Variants in NBAS observed in about 807,000 individuals in gnomAD.
NBAS encodes the protein NBAS subunit of NRZ tethering complex.
In NBAS, 219 loss-of-function variants were observed where a neutral mutation model predicts 302.5. The observed-to-expected ratio is 0.72, with a 90% CI of 0.65 to 0.81. NBAS has a LOEUF of 0.81. Ranked by LOEUF, NBAS falls within the 30% of genes least tolerant of loss-of-function variation. The probability of loss-of-function intolerance (pLI) is 0.00; values close to 1 mark genes in which losing one functional copy is unlikely to be tolerated. For missense variants in NBAS, 2,932 were observed against 2,841.6 expected, an observed-to-expected ratio of 1.03 and a Z score of -0.72; for synonymous variants, 1,118 against 1,021.6, an observed-to-expected ratio of 1.09 and a Z score of -1.80.
At chr2:15,436,727 T>C (rs75823609) in intron 21 of NBAS, among the ~76,000 whole-genome samples, 1,936 of 152,304 alleles carry the variant, frequency 0.013, 31 homozygotes, top group East Asian at 0.059. Flanking sequence ...CTTTCTTCCA[T>C]GTTATTAAAC....
At chr2:15,501,613 G>A (rs1006019996) in intron 11 of NBAS, among the ~76,000 whole-genome samples, 43 of 122,386 alleles carry the variant, frequency 3.5e-4, no homozygotes, top group African/African-American at 9.7e-4. Flanking sequence ...TTTTTGAGAC[G>A]GAGTCTCGCT....
At chr2:14,916,348 A>G in the NBAS span, among the ~76,000 whole-genome samples, 4 of 152,226 alleles carry the variant, frequency 2.6e-5, no homozygotes, top group African/African-American at 7.2e-5. Flanking sequence ...AACACTCCTC[A>G]GGATGCAATA....
intron 30 of NBAS, among the ~76,000 whole-genome samples, chr2:15,378,595 C>T (rs1674871839): frequency 6.6e-6 from 1 of 152,180 alleles, no homozygotes; most frequent in African/African-American, 2.4e-5. Flanking sequence ...GCTAAGAACA[C>T]TTCCATTAGC....
At chr2:15,529,606 A>C (rs997510069) in intron 9 of NBAS, among the ~76,000 whole-genome samples, 8 of 152,226 alleles carry the variant, frequency 5.3e-5, no homozygotes, top group African/African-American at 1.9e-4. Context: ...ATGTTAACAT[A>C]AACAAGAGGT....
chr2:15,069,972 C>G, the NBAS span, among the ~76,000 whole-genome samples: 2 of 136,994 alleles, frequency 1.5e-5, no homozygotes, highest in Admixed American at 1.6e-4. Flanking sequence ...ACTCCTCACT[C>G]AGGTGTGCTA....
At chr2:14,885,184 A>G in the NBAS span, among the ~76,000 whole-genome samples, 2 of 152,226 alleles carry the variant, frequency 1.3e-5, no homozygotes, top group African/African-American at 4.8e-5. Flanking sequence ...GGTGATGACA[A>G]GCATGGAAGC....
At chr2:14,860,270 T>C in the NBAS span, among the ~76,000 whole-genome samples, 1 of 152,150 alleles carries the variant, frequency 6.6e-6, no homozygotes, top group Non-Finnish European at 1.5e-5. Flanking sequence ...GAAAACATCA[T>C]GGTGTTTCCT....
chr2:15,445,256 A>T (rs1337411055), intron 21 of NBAS, among the ~76,000 whole-genome samples: 1 of 147,668 alleles, frequency 6.8e-6, no homozygotes, highest in African/African-American at 2.5e-5. Flanking sequence ...GAACCAACCC[A>T]AATGTCCAAC....
At chr2:14,926,917 T>A in the NBAS span, among the ~76,000 whole-genome samples, 1 of 152,266 alleles carries the variant, frequency 6.6e-6, no homozygotes, top group Non-Finnish European at 1.5e-5. Context: ...TTGCTGAACA[T>A]TATTCTGGAT....
intron 21 of NBAS, among the ~76,000 whole-genome samples, chr2:15,434,363 T>C (rs1187016214): frequency 6.6e-6 from 1 of 152,154 alleles, no homozygotes; most frequent in Non-Finnish European, 1.5e-5. Context: ...CTTGGGCAGA[T>C]TACCCTAATT....
At chr2:14,841,973 TA>T in the NBAS span, among the ~76,000 whole-genome samples, 1 of 151,732 alleles carries the variant, frequency 6.6e-6, no homozygotes, top group African/African-American at 2.4e-5. Context: ...TCAAAAAAAA[TA>T]AAATATCAAG....
intron 9 of NBAS, among the ~76,000 whole-genome samples, chr2:15,531,657 C>T (rs1663221226): frequency 6.6e-6 from 1 of 152,232 alleles, no homozygotes; most frequent in Non-Finnish European, 1.5e-5. Flanking sequence ...CACCTTATTA[C>T]TCTGTGTCAC....
chr2:15,486,201 A>G (rs1680620491), intron 12 of NBAS, among the ~76,000 whole-genome samples: 1 of 152,202 alleles, frequency 6.6e-6, no homozygotes, highest in African/African-American at 2.4e-5. Context: ...GACTCATACA[A>G]CATCCTTGGT....
the NBAS span, among the ~76,000 whole-genome samples, chr2:15,028,480 T>C: frequency 6.6e-6 from 1 of 152,252 alleles, no homozygotes; most frequent in South Asian, 2.1e-4. Context: ...ATTATCTTTT[T>C]AAAACATAAA....
At chr2:15,466,851 C>T (rs1354481021) in intron 19 of NBAS, among the ~76,000 whole-genome samples, 2 of 151,534 alleles carry the variant, frequency 1.3e-5, no homozygotes, top group Non-Finnish European at 2.9e-5. Context: ...GGATGAGAAT[C>T]GCCTGAACCC....
intron 44 of NBAS, among the ~76,000 whole-genome samples, chr2:15,254,554 T>A (rs998139766): frequency 1.3e-5 from 2 of 152,136 alleles, no homozygotes; most frequent in Non-Finnish European, 2.9e-5. Context: ...AAGTTATTTT[T>A]AAAAAAATTC....
chr2:15,541,021 G>A (rs530222775), intron 6 of NBAS, among the ~76,000 whole-genome samples: 2 of 152,042 alleles, frequency 1.3e-5, no homozygotes, highest in Non-Finnish European at 2.9e-5. Flanking sequence ...ACCGCACCCC[G>A]CCCATACGTG....
the NBAS span, among the ~76,000 whole-genome samples, chr2:14,828,582 TACAAAGATC>T: frequency 6.6e-6 from 1 of 152,112 alleles, no homozygotes. Flanking sequence ...AATTAACACA[TACAAAGATC>T]ACTTTAATGA....
intron 21 of NBAS, among the ~76,000 whole-genome samples, chr2:15,452,536 C>T (rs908005863): frequency 2.0e-5 from 3 of 149,480 alleles, no homozygotes; most frequent in Admixed American, 6.7e-5. Flanking sequence ...TGCACTGAGC[C>T]GAGATCGCGC....
Sources: gnomAD v4.1 joint callset for allele counts (sites outside exome capture counted in the v4.1 genomes callset) on GRCh38, gnomAD v4.1.1 for gene constraint, MANE v1.5 for transcripts, NCBI Gene and HGNC (gene_info 2026-07-23, HGNC 2026-07-21) for gene names.